RAF1: variants seen among roughly 807,000 people sequenced by gnomAD.
RAF1 encodes the protein RAF proto-oncogene serine/threonine-protein kinase.
A neutral mutation model predicts 81.1 loss-of-function variants in RAF1; 27 were observed. The observed-to-expected ratio is 0.33, with a 90% confidence interval of 0.25 to 0.46. The LOEUF (loss-of-function observed/expected upper bound fraction) is 0.46, where lower values mean the gene tolerates loss of function less well. Ranked by LOEUF, RAF1 falls within the 20% of genes least tolerant of loss-of-function variation. The pLI is 1.00. For missense variants in RAF1, 598 were observed against 826.0 expected, an observed-to-expected ratio of 0.72 and a Z score of 3.38; for synonymous variants, 298 against 294.0, an observed-to-expected ratio of 1.01 and a Z score of -0.14.
intron 10 of RAF1, 92 bp downstream of exon 9, chr3:12,600,060 C>G (rs5746221): frequency 6.4e-7 from 1 of 1,556,888 alleles, no homozygotes; most frequent in Non-Finnish European, 8.8e-7. Flanking sequence ...TTATTAGAAT[C>G]TTCTCCCAAA....
intron 2 of RAF1, among the ~76,000 whole-genome samples, chr3:12,615,568 C>G (rs963163): frequency 0.85 from 128,602 of 152,160 alleles, 54,806 homozygotes; most frequent in African/African-American, 0.95. Context: ...CCGCTTTCCT[C>G]AAGCTGCGTG....
chr3:12,591,902 T>C, intron 11 of RAF1, 110 bp from the exon 11 acceptor site: 4 of 846,788 alleles, frequency 4.7e-6, no homozygotes, highest in Non-Finnish European at 5.9e-6. Context: ...ATCACATACC[T>C]ACACAGATAC....
intron 1 of RAF1, among the ~76,000 whole-genome samples, chr3:12,641,016 C>A (rs2060166996): frequency 1.3e-5 from 2 of 152,072 alleles, no homozygotes; most frequent in African/African-American, 4.8e-5. Flanking sequence ...ATATACACCA[C>A]GGAATACTAT....
chr3:12,592,274 T>C (rs1170713468), intron 11 of RAF1, among the ~76,000 whole-genome samples: 1 of 152,166 alleles, frequency 6.6e-6, no homozygotes, highest in African/African-American at 2.4e-5. Context: ...CTGGGGCTGG[T>C]TGCTGGTGTA....
Position 12,628,751 on chromosome 3 carries a change from T to G in RAF1, c.-26-10004A>C, listed in dbSNP as rs1032441111. Among the ~76,000 whole-genome samples the G allele has an allele frequency of 1.1e-3, 91 of 82,196 alleles. 2 individuals are homozygous for G. The highest frequency in any genetic ancestry group is 7.9e-3 in the Middle Eastern group (1 of 126). The allele number at this position is 82,196 out of a possible 152,430, so 53.9% of individuals were successfully genotyped here. ...AGTATGATGAACCTGAGACTATTTT[T>G]GGGGGGGGGGGGTGGCGGGGCACAT... is the stretch of plus-strand genomic sequence containing the variant. On this transcript the variant is annotated intron_variant, in intron 1 of 17. Coordinates refer to ENST00000442415, the MANE Select transcript of RAF1 (RefSeq NM_001354689.3).
chr3:12,602,106 C>T (rs761333896), intron 8 of RAF1, among the ~76,000 whole-genome samples: 8 of 152,092 alleles, frequency 5.3e-5, no homozygotes, highest in East Asian at 1.9e-4. Context: ...TGGTAATTTT[C>T]TTCCCTGTAT....
intron 2 of RAF1, among the ~76,000 whole-genome samples, chr3:12,617,961 T>C (rs905708105): frequency 1.3e-5 from 2 of 151,454 alleles, no homozygotes; most frequent in African/African-American, 4.8e-5. Flanking sequence ...GATGCCAATA[T>C]GAACCTGTCA....
At chr3:12,625,771 A>G (rs922889997) in intron 1 of RAF1, among the ~76,000 whole-genome samples, 1 of 152,044 alleles carries the variant, frequency 6.6e-6, no homozygotes, top group Admixed American at 6.6e-5. Context: ...GTAGTGCATG[A>G]CTGCACCTGT....
intron 1 of RAF1, among the ~76,000 whole-genome samples, chr3:12,639,624 T>G (rs1015390208): frequency 6.6e-6 from 1 of 152,132 alleles, no homozygotes; most frequent in Non-Finnish European, 1.5e-5. Flanking sequence ...CATTCACAAT[T>G]GCTTCAAAGA....
rs1057403865 is a variant in RAF1, at chr3:12,599,805, G to A, written c.1054C>T (p.Pro352Ser). Residue 352 changes from proline to serine, a missense_variant, in exon 11 of 18, where the codon CCT (proline) becomes TCT (serine). Physicochemically the swap from Pro to Ser is moderately conservative, Grantham distance 74 (BLOSUM62 -1). Around this residue, in one of 5 missense-constraint regions of RAF1, gnomAD observed 194 missense variants for 202.7 expected, o/e 0.96. Transcript: ENST00000442415. Reference sequence around the variant, plus strand: ...TAGCTTGAATCTCTCTGTCCACGAGGCCTCTGAAACAAGTAGAGATCATTA... The same window carrying A: ...TAGCTTGAATCTCTCTGTCCACGAGACCTCTGAAACAAGTAGAGATCATTA... The A allele has an allele frequency of 1.2e-6, 2 of 1,611,264 alleles. No individual in the cohort carries two copies. Among genetic ancestry groups the A allele is most frequent in the Non-Finnish European group, 8.5e-7 (1 of 1,177,412 alleles).
chr3:12,637,859 AC>A (rs1275925370), intron 1 of RAF1, among the ~76,000 whole-genome samples: 1 of 152,084 alleles, frequency 6.6e-6, no homozygotes, highest in Non-Finnish European at 1.5e-5. Context: ...TCAAAACAAA[AC>A]AAAAAACACA....
intron 1 of RAF1, among the ~76,000 whole-genome samples, chr3:12,652,486 A>G (rs1575674293): frequency 1.3e-5 from 2 of 152,138 alleles, no homozygotes; most frequent in Admixed American, 6.6e-5. Flanking sequence ...GCACCACTGC[A>G]CTCCAGCCTG....
At chr3:12,642,550 T>G (rs1034692173) in intron 1 of RAF1, among the ~76,000 whole-genome samples, 27 of 151,258 alleles carry the variant, frequency 1.8e-4, no homozygotes, top group African/African-American at 6.6e-4. Flanking sequence ...AACAGTAAGA[T>G]AAATAACACT....
rs2058752419 is a variant in RAF1, at chr3:12,598,579, A to C, written c.1168+1112T>G. On this transcript the variant is annotated intron_variant, in intron 11 of 17. Transcript: ENST00000442415. Reference sequence around the variant, plus strand: ...GAGACCTTGTCTCTACAAAAGGTAAAACAAATTAGCTGGGCATTCACCTGT... The same window carrying C: ...GAGACCTTGTCTCTACAAAAGGTAACACAAATTAGCTGGGCATTCACCTGT... Among the ~76,000 whole-genome samples the C allele has an allele frequency of 2.0e-5, 3 of 151,948 alleles. No individual in the cohort carries two copies. In the South Asian group the frequency reaches 6.2e-4, roughly 32 times the overall value.
chr3:12,662,013 CCTCT>C (rs2060894023), intron 1 of RAF1, among the ~76,000 whole-genome samples: 1 of 151,756 alleles, frequency 6.6e-6, no homozygotes, highest in African/African-American at 2.4e-5. Context: ...AGTGTGACCC[CCTCT>C]CTATTATTTA....
chr3:12,587,829 G>C, intron 13 of RAF1, 192 bp from the exon 13 acceptor site: 1 of 285,746 alleles, frequency 3.5e-6, no homozygotes, highest in East Asian at 4.3e-5. Context: ...GCACAAACAT[G>C]CTTACACCTT....
chr3:12,613,452 G>A (rs1004258296), intron 2 of RAF1, among the ~76,000 whole-genome samples: 35 of 150,560 alleles, frequency 2.3e-4, no homozygotes, highest in African/African-American at 8.3e-4. Flanking sequence ...AGAAGGTGGT[G>A]AGTGTATGCA....
Position 12,584,583 on chromosome 3 carries a change from A to G in RAF1, c.1938T>C (p.His646=), listed in dbSNP as rs2058258342. 2.5e-6 allele frequency: 4 copies of G among 1,614,066 alleles called. No individual in the cohort carries two copies. The African/African-American group carries it at 4.0e-5, about 16-fold the overall frequency. Reference sequence around the variant, plus strand: ...TGATATCCTCAGTGTGGGCTGCCCGATGCAAGGATGGCTCGGAAGCGCTCC... The same window carrying G: ...TGATATCCTCAGTGTGGGCTGCCCGGTGCAAGGATGGCTCGGAAGCGCTCC... Residue 646 remains histidine (H), a synonymous_variant, in exon 18 of 18, where the codon CAT becomes CAC. Transcript: ENST00000442415.
chr3:12,641,769 CAT>C, intron 1 of RAF1, among the ~76,000 whole-genome samples: 1 of 152,174 alleles, frequency 6.6e-6, no homozygotes, highest in African/African-American at 2.4e-5. Context: ...TGGGATTACA[CAT>C]GTGAACCACC....
Sources: gnomAD v4.1 joint callset for allele counts (sites outside exome capture counted in the v4.1 genomes callset) on GRCh38, gnomAD v4.1.1 for gene constraint, gnomAD v4.1.1 regional missense constraint, MANE v1.5 for transcripts, NCBI Gene and HGNC (gene_info 2026-07-23, HGNC 2026-07-21) for gene names.